FAT2: variants seen among roughly 807,000 people sequenced by gnomAD.
The protein encoded by FAT2 is protocadherin Fat 2.
FAT2 carries 150 observed loss-of-function variants against 295.3 expected under a neutral mutation model. That is an observed-to-expected ratio of 0.51 (90% CI 0.44 to 0.58). The LOEUF is 0.58. FAT2 is among the 20% of genes least tolerant of loss of function. FAT2 has a pLI of 0.00. For missense variants in FAT2, 4,868 were observed against 5,442.7 expected (o/e 0.89, Z 3.32); for synonymous variants, 2,026 against 2,150.3 (o/e 0.94, Z 1.60).
At chr5:151,506,721 A>G (rs750829819) in intron 23 of FAT2, among the ~76,000 whole-genome samples, 7 of 152,224 alleles carry the variant, frequency 4.6e-5, no homozygotes, top group Non-Finnish European at 1.0e-4. Flanking sequence ...TTTTGAGCCA[A>G]AGATGAGAAG....
chr5:151,566,640 G>A lies in FAT2; in HGVS notation c.2292C>T (p.Asp764=). The A allele has an allele frequency of 6.2e-7, 1 of 1,614,178 alleles. No individual in the cohort carries two copies. The highest frequency in any genetic ancestry group is 1.1e-5 in the South Asian group (1 of 91,086). The change falls in exon 2 of 24, where the codon GAC becomes GAT. Residue 764 remains aspartate (D), a synonymous_variant. Coordinates refer to ENST00000261800, the MANE Select transcript of FAT2 (RefSeq NM_001447.3). ...TGAGCAGCCCTGTCTCCAGCTCTAT[G>A]TCAAAGCAGCCCTCCTCATTGCCAT... ...IADGNEEGCF[D]IELETGLLTV...
chr5:151,528,276 C>T (rs1347088191), intron 15 of FAT2, 143 bp from the exon 16 acceptor site: 2 of 903,214 alleles, frequency 2.2e-6, no homozygotes, highest in African/African-American at 1.7e-5. Context: ...CCAAAGTAAT[C>T]TCTTCACTTA....
At chr5:151,520,622 TC>T (rs1326058644) in intron 19 of FAT2, among the ~76,000 whole-genome samples, 2 of 151,986 alleles carry the variant, frequency 1.3e-5, no homozygotes, top group African/African-American at 4.8e-5. Context: ...TTACGTAATT[TC>T]CCCCCCGAAC....
rs377127086 is a variant in FAT2 at position 151,522,187 on chromosome 5, C to T, written c.10507-101G>A. 1.2e-4 allele frequency: 110 copies of T among 941,466 alleles called. No individual in the cohort carries two copies. The East Asian group carries it at 1.4e-3, about 12-fold the overall frequency. 58.3% of individuals were successfully genotyped at this position (941,466 alleles called of 1,614,324 possible). ...TGTGGAGCTACGTTTCTCTGCCCCA[C>T]GCCCAACTTGAGGGCTGGCTCAGCG... On this transcript the variant is annotated intron_variant, in intron 18 of 23. Coordinates refer to ENST00000261800, the MANE Select transcript of FAT2 (RefSeq NM_001447.3).
rs1755034409 is a variant in FAT2 at position 151,534,655 on chromosome 5, A to G, written c.9194-13T>C. On this transcript the variant is annotated splice_polypyrimidine_tract_variant and intron_variant, in intron 12 of 23. Coordinates refer to ENST00000261800, the MANE Select transcript of FAT2 (RefSeq NM_001447.3). ...GTGGTCAGCTCCCCTGGTCGGAGAA[A>G]TGACAAAAGTTGAGCTTTCTCTGGG... 6.3e-7 allele frequency: 1 copy of G among 1,598,542 alleles called. No individual in the cohort carries two copies. The highest frequency in any genetic ancestry group is 1.7e-5 in the Admixed American group (1 of 59,750).
At chr5:151,537,542 T>C (rs2127598014) in intron 12 of FAT2, among the ~76,000 whole-genome samples, 1 of 152,314 alleles carries the variant, frequency 6.6e-6, no homozygotes, top group East Asian at 1.9e-4. Context: ...TTCTGCACTT[T>C]TTCTTAATTT....
At position 151,568,103 on chromosome 5, in the gene FAT2, C is replaced by G. The variant is rs145834206; in HGVS notation, c.829G>C (p.Val277Leu). ...TCAGCTCCTGAGCTATTTGCATCGA[C>G]CAGTACAGTGGCATAGGTGGTACCA... ...NDGTTYATVL[V>L]DANSSGAEVE... Residue 277 changes from valine to leucine, a missense_variant, in exon 2 of 24, where the codon GTC becomes CTC. This residue lies in a region of FAT2 where 3,297 missense variants were observed against 3,669.4 expected (regional missense o/e 0.90). Coordinates refer to ENST00000261800, the MANE Select transcript of FAT2 (RefSeq NM_001447.3). 3.9e-3 allele frequency: 6,296 copies of G among 1,614,182 alleles called. 34 individuals are homozygous for G. Among genetic ancestry groups the G allele is most frequent in the Non-Finnish European group, 3.7e-3 (4,373 of 1,180,038 alleles).
rs1306028394 is a variant in FAT2 at position 151,554,671 on chromosome 5, C to CA, written c.3635dup (p.Thr1213AspfsTer25). 6.2e-7 allele frequency: 1 copy of CA among 1,608,960 alleles called. No individual in the cohort carries two copies. ...AGGGTTCCCCATTGTCCAGCACAGT[C>CA]ACCTGGGAGCAGAATTGAGCATGAG... is the stretch of plus-strand genomic sequence containing the variant. On this transcript the variant is annotated frameshift_variant and splice_region_variant, in exon 5 of 24. Transcript: ENST00000261800. LOFTEE classifies it high-confidence loss of function.
chr5:151,545,887 T>C lies in FAT2; in HGVS notation c.5240A>G (p.Asp1747Gly), dbSNP rs757834219. Residue 1747 changes from aspartate to glycine, a missense_variant, in exon 10 of 24, where the codon GAC (aspartate) becomes GGC (glycine). By Grantham distance (94) the Asp-to-Gly change is moderately conservative. This residue lies in a region of FAT2 where 3,297 missense variants were observed against 3,669.4 expected (regional missense o/e 0.90). Coordinates refer to ENST00000261800, the MANE Select transcript of FAT2 (RefSeq NM_001447.3). ...GAFTDVMVVV[D>G]IIDENDNAPM... is the part of the protein sequence containing the mutation. ...AGCATTGTCATTTTCATCAATTATGTCAACCACCACCATGACATCAGTAAA... is the reference window on the plus strand; with the variant it reads ...AGCATTGTCATTTTCATCAATTATGCCAACCACCACCATGACATCAGTAAA... 49 of 1,614,098 alleles carry C rather than the reference T, an allele frequency of 3.0e-5. No individual in the cohort carries two copies. Among genetic ancestry groups the C allele is most frequent in the Non-Finnish European group, 4.2e-5 (49 of 1,180,044 alleles).
intron 21 of FAT2, chr5:151,511,948 C>A: frequency 3.5e-6 from 2 of 576,746 alleles, no homozygotes; most frequent in Non-Finnish European, 6.2e-6. Context: ...CCCTCATCCC[C>A]CCAGAAGTAG....
chr5:151,555,452 C>T (rs913874515), intron 4 of FAT2, among the ~76,000 whole-genome samples: 2 of 149,312 alleles, frequency 1.3e-5, no homozygotes, highest in Non-Finnish European at 3.0e-5. Context: ...CTCACTGCAA[C>T]CTCCGTCTCC....
rs932573858 is a variant in FAT2 at position 151,512,575 on chromosome 5, T to C, written c.11495A>G (p.His3832Arg). Residue 3832 changes from histidine (H) to arginine (R), a missense_variant, in exon 21 of 24, where the codon CAC becomes CGC. His to Arg is a conservative substitution (Grantham distance 29, BLOSUM62 0). Transcript: ENST00000261800. This position sits in a 1 kb window ranked among gnomAD's most constrained non-coding sequence, Gnocchi z 4.1. ...GTTTCCATAGAAACCACCCAGACAG[T>C]GGTATTCCAGCTGGGGCACTCCACT... ...LASGVPQLEY[H>R]CLGGFYGNLS... 1 of 1,612,642 alleles carries C rather than the reference T, an allele frequency of 6.2e-7. No individual in the cohort carries two copies.
chr5:151,587,156 CAAAACAAAACAAAAAA>C (rs1446613851), intron 1 of FAT2, among the ~76,000 whole-genome samples: 1 of 139,096 alleles, frequency 7.2e-6, no homozygotes, highest in Non-Finnish European at 1.5e-5. Context: ...AAACAAAAAA[CAAAACAAAACAAAAAA>C]AAAACAAAAA....
At position 151,548,728 on chromosome 5, in the gene FAT2, G is replaced by A. The variant is rs58238187; in HGVS notation, c.4789+567C>T. Among the ~76,000 whole-genome samples, 1,473 of 152,200 alleles carry A rather than the reference G, an allele frequency of 9.7e-3. 20 individuals carry two copies. The highest frequency in any genetic ancestry group is 0.034 in the African/African-American group (1,402 of 41,524). On this transcript the variant is annotated intron_variant, in intron 9 of 23. Coordinates refer to ENST00000261800, the MANE Select transcript of FAT2 (RefSeq NM_001447.3). ...ACTCCCAACCTCAGGTGATCCGCCC[G>A]CCTCGGCCTCCCAAAGTGCTAGGAT...
At position 151,522,013 on chromosome 5, in the gene FAT2, T is replaced by C; in HGVS notation, c.10580A>G (p.Tyr3527Cys). The C allele has an allele frequency of 6.2e-7, 1 of 1,614,006 alleles. No homozygotes were observed. Among genetic ancestry groups the C allele is most frequent in the South Asian group, 1.1e-5 (1 of 91,068 alleles). ...VRVHVTEQSH[Y>C]APSALPLEIF... ...CTCCAGTGGGAGAGCAGAAGGTGCA[T>C]AGTGGCTCTGCTCTGTGACATGGAC... The change falls in exon 19 of 24, where the codon TAT becomes TGT. Residue 3527 changes from tyrosine to cysteine, a missense_variant. Physicochemically the swap from Tyr to Cys is radical, Grantham distance 194 (BLOSUM62 -2). Coordinates refer to ENST00000261800, the MANE Select transcript of FAT2 (RefSeq NM_001447.3).
chr5:151,522,104 A>G lies in FAT2; in HGVS notation c.10507-18T>C. 1 of 1,547,512 alleles carries G rather than the reference A, an allele frequency of 6.5e-7. No homozygotes were observed. The highest frequency in any genetic ancestry group is 8.8e-7 in the Non-Finnish European group (1 of 1,136,928). On this transcript the variant is annotated intron_variant, in intron 18 of 23. Transcript: ENST00000261800. ...TCTGACGCCTGTGGGCAAAACAAAC[A>G]CTGCTGTCACCCAACAGAACTGCAG...
Position 151,521,673 on chromosome 5 carries a change from G to C in FAT2, c.10920C>G (p.Pro3640=). ...GCCAGTGGTCACTCACCAGCTCCTC[G>C]GGGGTGAGCTGGTAGAAGCCCATCC... The part of the protein sequence containing the change: ...AMWMGFYQLT[P]EELVSDHWRN... The change falls in exon 19 of 24, where the codon CCC becomes CCG. Residue 3640 remains proline, a synonymous_variant. Coordinates refer to ENST00000261800, the MANE Select transcript of FAT2 (RefSeq NM_001447.3). The C allele has an allele frequency of 1.2e-6, 2 of 1,613,960 alleles. No individual in the cohort carries two copies.
chr5:151,567,101 C>A lies in FAT2; in HGVS notation c.1831G>T (p.Asp611Tyr). 6.2e-7 allele frequency: 1 copy of A among 1,614,126 alleles called. No individual in the cohort carries two copies. The highest frequency in any genetic ancestry group is 1.1e-5 in the South Asian group (1 of 91,068). ...ATCACTCCGGAGAAATGATTTAGAT[C>A]AAAATACTCTAGTTCATTGCCTGAT... ...IVSGNELEYF[D>Y]LNHFSGVISL... Residue 611 changes from aspartate (D) to tyrosine (Y), a missense_variant, in exon 2 of 24, where the codon GAT becomes TAT. Physicochemically the swap from Asp to Tyr is radical, Grantham distance 160 (BLOSUM62 -3). This residue lies in a region of FAT2 where 3,297 missense variants were observed against 3,669.4 expected (regional missense o/e 0.90). Transcript: ENST00000261800.
chr5:151,537,317 A>G (rs4997374), intron 12 of FAT2, among the ~76,000 whole-genome samples: 37,326 of 92,548 alleles, frequency 0.4, 5,740 homozygotes, highest in East Asian at 0.55. Context: ...AAGAAAAAGA[A>G]AGAGAAAAAA....
Sources: allele counts gnomAD v4.1 joint callset (sites outside exome capture counted in the v4.1 genomes callset), GRCh38; gene constraint gnomAD v4.1.1; regional missense constraint gnomAD v4.1.1; non-coding constraint Gnocchi (gnomAD v3.1); transcripts MANE v1.5; gene names NCBI Gene and HGNC (gene_info 2026-07-23, HGNC 2026-07-21).